The following RRAS2 variants were observed in gnomAD, a reference collection of about 807,000 sequenced individuals.
The protein encoded by RRAS2 is RAS related 2.
In RRAS2, 7 loss-of-function variants were observed where a neutral mutation model predicts 27.6. The observed-to-expected ratio is 0.25, with a 90% CI of 0.14 to 0.48. RRAS2 has a LOEUF of 0.48. RRAS2 is among the 20% of genes least tolerant of loss of function. The pLI is 0.99. For missense variants in RRAS2, 178 were observed against 256.2 expected, an observed-to-expected ratio of 0.69 and a Z score of 2.08; for synonymous variants, 86 against 90.9, an observed-to-expected ratio of 0.95 and a Z score of 0.31.
chr11:14,302,698 C>G (rs1554947572), intron 1 of RRAS2, among the ~76,000 whole-genome samples: 2 of 152,140 alleles, frequency 1.3e-5, no homozygotes, highest in Non-Finnish European at 2.9e-5. Context: ...GCCACAGGTC[C>G]CCAGTGACTG....
intron 1 of RRAS2, among the ~76,000 whole-genome samples, chr11:14,345,364 T>A (rs12280417): frequency 1.2e-3 from 183 of 152,284 alleles, no homozygotes; most frequent in Non-Finnish European, 8.1e-4. Flanking sequence ...GTATTCCTAG[T>A]CTACGATTCT....
intron 1 of RRAS2, among the ~76,000 whole-genome samples, chr11:14,311,017 C>A (rs1847951075): frequency 6.6e-6 from 1 of 152,128 alleles, no homozygotes; most frequent in Non-Finnish European, 1.5e-5. Flanking sequence ...AACTCTGTGG[C>A]AAAGGATTTT....
Position 14,358,225 on chromosome 11 carries a change from G to A in RRAS2, c.108+538C>T, listed in dbSNP as rs1288871113. Reference sequence around the variant, plus strand: ...ACCTAAGAGAGTACTTATAAAAAGAGCGTAACACACACACAAAGAAATACA... The same window carrying A: ...ACCTAAGAGAGTACTTATAAAAAGAACGTAACACACACACAAAGAAATACA... On this transcript the variant is annotated intron_variant, in intron 1 of 5. Coordinates refer to ENST00000256196, the MANE Select transcript of RRAS2 (RefSeq NM_012250.6). This position sits in a 1 kb window ranked among gnomAD's most constrained non-coding sequence, Gnocchi z 5.1. 16 of 985,322 alleles carry A rather than the reference G, an allele frequency of 1.6e-5. No individual in the cohort carries two copies. The highest frequency in any genetic ancestry group is 4.7e-5 in the South Asian group (1 of 21,298). The allele number at this position is 985,322 out of a possible 1,614,324, so 61.0% of individuals were successfully genotyped here.
intron 1 of RRAS2, among the ~76,000 whole-genome samples, chr11:14,325,408 T>C (rs1554950867): frequency 1.3e-5 from 2 of 150,774 alleles, no homozygotes; most frequent in African/African-American, 4.9e-5. Flanking sequence ...GCCTCCCGGG[T>C]TCATGCCATT....
At position 14,280,726 on chromosome 11, in the gene RRAS2, C is replaced by CAAAAAAAAAAAAAAAAA. The variant is rs58781581; in HGVS notation, c.527+859_527+875dup. On this transcript the variant is annotated intron_variant, in intron 5 of 5. Coordinates refer to ENST00000256196, the MANE Select transcript of RRAS2 (RefSeq NM_012250.6). ...GGGTGACAAAGAGAAACTCTGTTTC[C>CAAAAAAAAAAAAAAAAA]AAAAAAAAAAAAAAAAAAAAAAAAA... is the stretch of plus-strand genomic sequence containing the variant. Among the ~76,000 whole-genome samples the CAAAAAAAAAAAAAAAAA allele has an allele frequency of 8.3e-5, 4 of 48,330 alleles. 1 individual carries two copies. The highest frequency in any genetic ancestry group is 3.1e-4 in the African/African-American group (3 of 9,630). The allele number at this position is 48,330 out of a possible 152,430, so 31.7% of individuals were successfully genotyped here. A position where few individuals can be genotyped will look rare whatever the true frequency, so the allele number is the denominator to read the frequency against.
At chr11:14,284,915 T>C (rs1359619135) in intron 4 of RRAS2, among the ~76,000 whole-genome samples, 1 of 152,218 alleles carries the variant, frequency 6.6e-6, no homozygotes, top group Non-Finnish European at 1.5e-5. Context: ...ACATTTAAAG[T>C]AGATTTCTTG....
At chr11:14,355,235 AAG>A (rs1849047891) in intron 1 of RRAS2, among the ~76,000 whole-genome samples, 1 of 152,162 alleles carries the variant, frequency 6.6e-6, no homozygotes, top group Non-Finnish European at 1.5e-5. Flanking sequence ...ATGGGGAAGA[AAG>A]AGAAGCTCAG....
intron 1 of RRAS2, among the ~76,000 whole-genome samples, chr11:14,296,350 GTTC>G (rs1847550807): frequency 6.6e-6 from 1 of 152,050 alleles, no homozygotes; most frequent in African/African-American, 2.4e-5. Context: ...CCCACCAAAT[GTTC>G]TTATGAGCAC....
intron 1 of RRAS2, among the ~76,000 whole-genome samples, chr11:14,306,279 G>C (rs898858036): frequency 6.6e-6 from 1 of 151,894 alleles, no homozygotes; most frequent in Admixed American, 6.6e-5. Flanking sequence ...CTATATTCTG[G>C]ATATAAATCC....
At position 14,349,309 on chromosome 11, in the gene RRAS2, A is replaced by G. The variant is rs1385318301; in HGVS notation, c.108+9454T>C. On this transcript the variant is annotated intron_variant, in intron 1 of 5. Coordinates refer to ENST00000256196, the MANE Select transcript of RRAS2 (RefSeq NM_012250.6). ...TAGGACTATAGGCACCCGCCACCAC[A>G]CCCGGCTAATTTTTTTTTTTTTTTT... 2.0e-4 allele frequency among the ~76,000 whole-genome samples: 28 copies of G among 140,920 alleles called. 1 individual carries two copies. The highest frequency in any genetic ancestry group is 1.7e-3 in the Admixed American group (24 of 14,114). 92.4% of individuals were successfully genotyped at this position (140,920 alleles called of 152,430 possible).
At chr11:14,306,103 C>T (rs1465023780) in intron 1 of RRAS2, among the ~76,000 whole-genome samples, 8 of 151,280 alleles carry the variant, frequency 5.3e-5, no homozygotes, top group African/African-American at 1.5e-4. Context: ...AGACACCCTA[C>T]GGATGTAAAA....
In RRAS2 at chr11:14,303,785, C is replaced by A. The variant is rs537928162; in HGVS notation, c.109-7930G>T. The stretch of plus-strand genomic sequence containing the variant: ...TGCATCTCTTCTACCCACAACAAGG[C>A]TGTCTCTGGCTCCTTCAGAGTGGGA... On this transcript the variant is annotated intron_variant, in intron 1 of 5. Coordinates refer to ENST00000256196, the MANE Select transcript of RRAS2 (RefSeq NM_012250.6). Among the ~76,000 whole-genome samples, 5 of 152,270 alleles carry A rather than the reference C, an allele frequency of 3.3e-5. No homozygotes were observed. In the South Asian group the frequency reaches 1.0e-3, roughly 32 times the overall value.
At chr11:14,338,410 G>C (rs1848630769) in intron 1 of RRAS2, among the ~76,000 whole-genome samples, 1 of 152,124 alleles carries the variant, frequency 6.6e-6, no homozygotes, top group African/African-American at 2.4e-5. Context: ...AGTTATCCTG[G>C]GGGATGGGAC....
intron 1 of RRAS2, among the ~76,000 whole-genome samples, chr11:14,351,564 T>A (rs1554954779): frequency 6.6e-6 from 1 of 152,004 alleles, no homozygotes; most frequent in Non-Finnish European, 1.5e-5. Context: ...CCGTCTCTAC[T>A]AAAAATACAA....
At chr11:14,301,053 G>C (rs1288900174) in intron 1 of RRAS2, among the ~76,000 whole-genome samples, 1 of 152,156 alleles carries the variant, frequency 6.6e-6, no homozygotes, top group African/African-American at 2.4e-5. Flanking sequence ...TAAACAAATG[G>C]AGGGCAGTTC....
chr11:14,305,188 T>C (rs782819955), intron 1 of RRAS2, among the ~76,000 whole-genome samples: 2 of 152,212 alleles, frequency 1.3e-5, no homozygotes, highest in African/African-American at 4.8e-5. Context: ...ACCTCACATA[T>C]AGTATTTAGT....
intron 1 of RRAS2, among the ~76,000 whole-genome samples, chr11:14,314,225 T>C (rs531213310): frequency 6.6e-6 from 1 of 152,346 alleles, no homozygotes; most frequent in East Asian, 1.9e-4. Context: ...TACACAACTA[T>C]GAAATTGAGA....
In RRAS2 at chr11:14,279,200, T is replaced by C; in HGVS notation, c.*137A>G. ...ATTGTATTAGCTTCACAGAAAGGACTAGCCAGCTTCTTCGTCTAAGGCTAA... is the reference window on the plus strand; with the variant it reads ...ATTGTATTAGCTTCACAGAAAGGACCAGCCAGCTTCTTCGTCTAAGGCTAA... On this transcript the variant is annotated 3_prime_UTR_variant, in exon 6 of 6. Transcript: ENST00000256196. 3 of 659,888 alleles carry C rather than the reference T, an allele frequency of 4.5e-6. No individual in the cohort carries two copies. Among genetic ancestry groups the C allele is most frequent in the Non-Finnish European group, 8.2e-6 (3 of 368,004 alleles). The allele number at this position is 659,888 out of a possible 1,614,324, so 40.9% of individuals were successfully genotyped here. A position where few individuals can be genotyped will look rare whatever the true frequency, so the allele number is the denominator to read the frequency against.
At position 14,339,322 on chromosome 11, in the gene RRAS2, T is replaced by TA. The variant is rs1203596321; in HGVS notation, c.108+19440dup. ...GGGGGGGGGAAGAAAAAATCTATAA[T>TA]AAAAAAATAAAAAGACCGATCCATT... On this transcript the variant is annotated intron_variant, in intron 1 of 5. Transcript: ENST00000256196. Among the ~76,000 whole-genome samples, 80 of 115,252 alleles carry TA rather than the reference T, an allele frequency of 6.9e-4. 1 individual carries two copies. Among genetic ancestry groups the TA allele is most frequent in the African/African-American group, 2.4e-3 (75 of 31,016 alleles). 75.6% of individuals were successfully genotyped at this position (115,252 alleles called of 152,430 possible). A position where few individuals can be genotyped will look rare whatever the true frequency, so the allele number is the denominator to read the frequency against.
Sources: gnomAD v4.1 joint callset for allele counts (sites outside exome capture counted in the v4.1 genomes callset) on GRCh38, gnomAD v4.1.1 for gene constraint, Gnocchi (gnomAD v3.1) non-coding constraint, MANE v1.5 for transcripts, NCBI Gene and HGNC (gene_info 2026-07-23, HGNC 2026-07-21) for gene names.